The following RABGAP1 variants were observed in gnomAD, a reference collection of about 807,000 sequenced individuals.
RABGAP1 encodes RAB GTPase activating protein 1, also known as rab GTPase-activating protein 1.
RABGAP1 carries 23 observed loss-of-function variants against 137.6 expected under a neutral mutation model. That is an observed-to-expected ratio of 0.17 (90% CI 0.12 to 0.24). The LOEUF is 0.24. RABGAP1 is among the 10% of genes least tolerant of loss of function. RABGAP1 has a pLI of 1.00. For synonymous variants in RABGAP1, 451 were observed against 450.7 expected (o/e 1.00, Z -0.01); for missense variants, 906 against 1,275.8 (o/e 0.71, Z 4.42).
intron 2 of RABGAP1, among the ~76,000 whole-genome samples, chr9:122,979,868 C>T (rs1835956696): frequency 1.3e-5 from 2 of 152,342 alleles, no homozygotes; most frequent in South Asian, 4.1e-4. Flanking sequence ...CCTGAAACTA[C>T]ATTTATTTTA....
chr9:122,979,389 G>C (rs1393624725), intron 2 of RABGAP1, among the ~76,000 whole-genome samples: 2 of 152,122 alleles, frequency 1.3e-5, no homozygotes, highest in African/African-American at 2.4e-5. Context: ...TCCTTCATCA[G>C]ATATATGACT....
intron 13 of RABGAP1, among the ~76,000 whole-genome samples, chr9:123,029,029 G>A (rs750820165): frequency 2.8e-4 from 43 of 152,164 alleles, no homozygotes; most frequent in Middle Eastern, 3.2e-3. Flanking sequence ...CTAGCATGGA[G>A]TAAGAATAAT....
chr9:122,962,620 A>G (rs1053153494), intron 2 of RABGAP1, among the ~76,000 whole-genome samples: 2 of 152,186 alleles, frequency 1.3e-5, no homozygotes, highest in East Asian at 3.8e-4. Flanking sequence ...AAAGAAATGT[A>G]AATGCTATAT....
Position 123,104,004 on chromosome 9 carries a change from T to C in RABGAP1, c.*791T>C, listed in dbSNP as rs2035426794. 1 of 151,574 alleles carries C rather than the reference T, an allele frequency of 6.6e-6. No individual in the cohort carries two copies. Among genetic ancestry groups the C allele is most frequent in the South Asian group, 2.1e-4 (1 of 4,776 alleles). The allele number at this position is 151,574 out of a possible 1,614,324, so 9.4% of individuals were successfully genotyped here. On this transcript the variant is annotated 3_prime_UTR_variant, in exon 26 of 26. Transcript: ENST00000373647. ...GTGTGTGTGTGTGTGTGTATGTATA[T>C]ATATATATAAATATCTTTCCCAATA...
intron 2 of RABGAP1, among the ~76,000 whole-genome samples, chr9:122,965,119 G>A (rs528436616): frequency 6.6e-6 from 1 of 152,230 alleles, no homozygotes; most frequent in Non-Finnish European, 1.5e-5. Flanking sequence ...TGCTGAATGG[G>A]TAAACAAAAT....
chr9:123,059,542 G>A (rs573319732), intron 13 of RABGAP1, among the ~76,000 whole-genome samples: 31 of 152,074 alleles, frequency 2.0e-4, no homozygotes, highest in African/African-American at 6.8e-4. Flanking sequence ...GTGACAGAGC[G>A]ATACTCCGTC....
chr9:122,995,660 C>T (rs1292776036), intron 6 of RABGAP1, among the ~76,000 whole-genome samples: 2 of 149,792 alleles, frequency 1.3e-5, no homozygotes, highest in East Asian at 2.0e-4. Flanking sequence ...CCTCTGCCTC[C>T]CTGGTTCAAG....
Position 122,986,328 on chromosome 9 carries a change from G to T in RABGAP1, c.499G>T (p.Ala167Ser). 1 of 1,614,148 alleles carries T rather than the reference G, an allele frequency of 6.2e-7. No individual in the cohort carries two copies. Among genetic ancestry groups the T allele is most frequent in the Non-Finnish European group, 8.5e-7 (1 of 1,180,004 alleles). Residue 167 changes from alanine (A) to serine (S), a missense_variant, in exon 4 of 26, where the codon GCC (alanine) becomes TCC (serine). Physicochemically the swap from Ala to Ser is moderately conservative, Grantham distance 99. This residue lies in a region of RABGAP1 where 331 missense variants were observed against 358.3 expected (regional missense o/e 0.92). Transcript: ENST00000373647. ...SVNAPRSEVE[A>S]LRMMSILRSQ... The stretch of plus-strand genomic sequence containing the variant: ...AAATGCTCCCAGGAGTGAAGTGGAA[G>T]CCTTAAGGATGATGTCCATCTTAAG...
At chr9:123,045,984 A>G (rs888970139) in intron 13 of RABGAP1, among the ~76,000 whole-genome samples, 4 of 152,174 alleles carry the variant, frequency 2.6e-5, no homozygotes, top group Non-Finnish European at 4.4e-5. Context: ...AGGTCCTGCA[A>G]ATTGGCACAT....
Position 123,103,357 on chromosome 9 carries a change from C to T in RABGAP1, c.*144C>T, listed in dbSNP as rs12376606. ...AGACGCATGTTGGTAGGTCACTGGA[C>T]CAGAGCTTGTGAAGCAGGCAACCTC... is the stretch of plus-strand genomic sequence containing the variant. On this transcript the variant is annotated 3_prime_UTR_variant, in exon 26 of 26. Transcript: ENST00000373647. 59,671 of 1,306,082 alleles carry T rather than the reference C, an allele frequency of 0.046. 1,747 individuals are homozygous for T. Among genetic ancestry groups the T allele is most frequent in the South Asian group, 0.11 (7,926 of 69,996 alleles). The allele number at this position is 1,306,082 out of a possible 1,614,324, so 80.9% of individuals were successfully genotyped here.
intron 2 of RABGAP1, among the ~76,000 whole-genome samples, chr9:122,983,028 C>T (rs922448192): frequency 1.3e-5 from 2 of 151,910 alleles, no homozygotes; most frequent in African/African-American, 4.8e-5. Flanking sequence ...CTACCATGCA[C>T]GGCTAATTTT....
intron 13 of RABGAP1, among the ~76,000 whole-genome samples, chr9:123,027,506 T>C (rs1245276038): frequency 1.3e-5 from 2 of 152,272 alleles, no homozygotes; most frequent in Non-Finnish European, 2.9e-5. Flanking sequence ...TCAATTATTA[T>C]GTTATTACTA....
At chr9:123,014,725 G>A (rs1254200316) in intron 11 of RABGAP1, among the ~76,000 whole-genome samples, 2 of 144,248 alleles carry the variant, frequency 1.4e-5, no homozygotes, top group Admixed American at 7.3e-5. Context: ...TCTGTGGTGC[G>A]ATCTTGGCTC....
intron 13 of RABGAP1, among the ~76,000 whole-genome samples, chr9:123,047,960 C>G (rs1295146154): frequency 1.4e-5 from 1 of 73,656 alleles, no homozygotes; most frequent in African/African-American, 4.3e-5. Flanking sequence ...TTTTTTGAGA[C>G]GGAGTCTTGC....
intron 10 of RABGAP1, among the ~76,000 whole-genome samples, chr9:123,001,647 A>G (rs1348898556): frequency 6.6e-6 from 1 of 152,200 alleles, no homozygotes; most frequent in East Asian, 1.9e-4. Context: ...GAGTCAGAGC[A>G]CATGGATTTT....
At chr9:123,062,281 ATTG>A (rs2132109637) in intron 13 of RABGAP1, 1 of 152,274 alleles carries the variant, frequency 6.6e-6, no homozygotes, top group South Asian at 2.1e-4. Context: ...AGGAATATAT[ATTG>A]TTGTATAAAG....
At chr9:122,990,369 CAG>C in intron 6 of RABGAP1, 156 bp downstream of exon 6, 1 of 556,572 alleles carries the variant, frequency 1.8e-6, no homozygotes, top group Non-Finnish European at 2.8e-6. Flanking sequence ...ATAAATTTAA[CAG>C]AGGCAAAGTT....
chr9:123,005,262 C>G (rs2030127372), intron 10 of RABGAP1, among the ~76,000 whole-genome samples: 1 of 147,816 alleles, frequency 6.8e-6, no homozygotes, highest in Admixed American at 6.8e-5. Context: ...CATTTGTTTC[C>G]ATTTATTTTA....
intron 10 of RABGAP1, among the ~76,000 whole-genome samples, chr9:123,005,913 G>C (rs2030217996): frequency 6.6e-6 from 1 of 152,214 alleles, no homozygotes; most frequent in Non-Finnish European, 1.5e-5. Context: ...CGAGTGTGTT[G>C]TCAGACTTAA....
Sources: gnomAD v4.1 joint callset for allele counts (sites outside exome capture counted in the v4.1 genomes callset) on GRCh38, gnomAD v4.1.1 for gene constraint, gnomAD v4.1.1 regional missense constraint, MANE v1.5 for transcripts, NCBI Gene and HGNC (gene_info 2026-07-23, HGNC 2026-07-21) for gene names.